Variants in TLE1 observed in about 807,000 individuals in gnomAD.
TLE1 encodes transducin-like enhancer protein 1.
A neutral mutation model predicts 89.8 loss-of-function variants in TLE1; 21 were observed. The ratio of observed to expected loss-of-function variants is 0.23; its 90% confidence interval spans 0.17 to 0.34. The LOEUF is 0.34. Ranked by LOEUF, TLE1 falls within the 10% of genes least tolerant of loss-of-function variation. The pLI is 1.00. For missense variants in TLE1, 795 were observed against 1,031.2 expected (o/e 0.77, Z 3.14); for synonymous variants, 447 against 407.6 (o/e 1.10, Z -1.16).
At position 81,672,322 on chromosome 9, in the gene TLE1, A is replaced by AATTATTATT. The variant is rs534539630; in HGVS notation, c.234+13345_234+13353dup. Among the ~76,000 whole-genome samples, 635 of 150,414 alleles carry AATTATTATT rather than the reference A, an allele frequency of 4.2e-3. 4 individuals carry two copies. The highest frequency in any genetic ancestry group is 0.014 in the African/African-American group (560 of 40,886). ...GGCTCTGCCTTTCTCCCCTGCAATA[A>AATTATTATT]ATTATTATTATTATTATTATTATTA... On this transcript the variant is annotated intron_variant, in intron 4 of 19. Transcript: ENST00000376499.
intron 8 of TLE1, among the ~76,000 whole-genome samples, chr9:81,624,302 GTCC>G (rs1269047974): frequency 6.6e-6 from 1 of 152,068 alleles, no homozygotes; most frequent in Non-Finnish European, 1.5e-5. Flanking sequence ...ACTAGGAATA[GTCC>G]CAAATTCCTG....
At chr9:81,649,948 A>G (rs556245920) in intron 6 of TLE1, among the ~76,000 whole-genome samples, 8 of 152,294 alleles carry the variant, frequency 5.3e-5, no homozygotes, top group East Asian at 3.9e-4. Flanking sequence ...ACAAACTTGA[A>G]AAGAGCCTTC....
At chr9:81,591,951 C>G (rs1023153519) in intron 15 of TLE1, among the ~76,000 whole-genome samples, 15 of 152,224 alleles carry the variant, frequency 9.9e-5, no homozygotes, top group Non-Finnish European at 7.3e-5. Context: ...GTGGCACCAT[C>G]TGCAACAGCA....
intron 4 of TLE1, among the ~76,000 whole-genome samples, chr9:81,684,858 G>C (rs1478937724): frequency 6.6e-6 from 1 of 152,178 alleles, no homozygotes; most frequent in African/African-American, 2.4e-5. Context: ...TTCTTTGGCA[G>C]ACAATGACTA....
intron 4 of TLE1, 66 bp from the exon 5 acceptor site, chr9:81,654,102 A>G (rs1564031202): frequency 5.4e-6 from 8 of 1,490,086 alleles, no homozygotes; most frequent in Non-Finnish European, 6.5e-6. Flanking sequence ...GTAAAACTTC[A>G]TACCCCTAAC....
At position 81,587,920 on chromosome 9, in the gene TLE1, G is replaced by GTGTGTCATCCCGCC. The variant is rs1554716641; in HGVS notation, c.1830-93_1830-92insGGCGGGATGACACA. 251 of 1,015,186 alleles carry GTGTGTCATCCCGCC rather than the reference G, an allele frequency of 2.5e-4. 2 individuals are homozygous for GTGTGTCATCCCGCC. The highest frequency in any genetic ancestry group is 3.5e-4 in the Admixed American group (12 of 34,568). The allele number at this position is 1,015,186 out of a possible 1,614,324, so 62.9% of individuals were successfully genotyped here. ...TTAGTTTTGGACCGTGTGTGTGTGTGTGTGTGTGTGTGTGTGTGTGTGTGT... is the reference window on the plus strand; with the variant it reads ...TTAGTTTTGGACCGTGTGTGTGTGTGTGTGTCATCCCGCCTGTGTGTGTGTGTGTGTGTGTGTGT... On this transcript the variant is annotated intron_variant, in intron 16 of 19. Transcript: ENST00000376499.
intron 18 of TLE1, among the ~76,000 whole-genome samples, chr9:81,585,022 TATCTGCCC>T (rs1340675555): frequency 6.6e-5 from 10 of 150,914 alleles, no homozygotes; most frequent in African/African-American, 2.2e-4. Flanking sequence ...TGTGAACAGA[TATCTGCCC>T]ATCTGCAGCA....
At chr9:81,608,419 C>T (rs1342668262) in intron 14 of TLE1, among the ~76,000 whole-genome samples, 1 of 152,070 alleles carries the variant, frequency 6.6e-6, no homozygotes, top group Non-Finnish European at 1.5e-5. Flanking sequence ...GAAGCCAAGG[C>T]AGGAGGATGG....
intron 6 of TLE1, among the ~76,000 whole-genome samples, chr9:81,646,479 A>G (rs970445012): frequency 6.6e-6 from 1 of 152,196 alleles, no homozygotes; most frequent in Non-Finnish European, 1.5e-5. Flanking sequence ...GATATGCATT[A>G]TTCTCCTAGG....
intron 14 of TLE1, chr9:81,600,154 A>T (rs1043295886): frequency 4.2e-6 from 3 of 715,884 alleles, no homozygotes; most frequent in Non-Finnish European, 7.8e-6. Context: ...AAATTCTTGG[A>T]TGGAAAGTAA....
At chr9:81,664,126 C>T (rs1209172283) in intron 4 of TLE1, among the ~76,000 whole-genome samples, 3 of 151,788 alleles carry the variant, frequency 2.0e-5, no homozygotes, top group Non-Finnish European at 4.4e-5. Context: ...ATTTTTATAC[C>T]TAAAGAAAGT....
intron 12 of TLE1, chr9:81,612,320 C>T (rs1311166870): frequency 1.2e-5 from 12 of 1,030,282 alleles, no homozygotes; most frequent in Non-Finnish European, 1.4e-5. Flanking sequence ...AAGATTTTCT[C>T]GATAAAATCC....
chr9:81,612,954 A>G (rs900611221), intron 12 of TLE1, among the ~76,000 whole-genome samples: 2 of 152,170 alleles, frequency 1.3e-5, no homozygotes, highest in Non-Finnish European at 2.9e-5. Context: ...GCTCTTTAGG[A>G]GGCTCAGGCA....
At chr9:81,655,164 G>C (rs1295413606) in intron 4 of TLE1, among the ~76,000 whole-genome samples, 4 of 152,006 alleles carry the variant, frequency 2.6e-5, no homozygotes, top group Admixed American at 2.0e-4. Context: ...AGGAGTTCAA[G>C]ACCAGCCTAG....
chr9:81,591,721 C>T (rs1829528521), intron 15 of TLE1, among the ~76,000 whole-genome samples: 1 of 152,084 alleles, frequency 6.6e-6, no homozygotes, highest in South Asian at 2.1e-4. Context: ...AAACTTTAAG[C>T]ACATGACTTC....
At chr9:81,606,774 A>ATT (rs149257316) in intron 14 of TLE1, among the ~76,000 whole-genome samples, 12 of 141,836 alleles carry the variant, frequency 8.5e-5, no homozygotes, top group African/African-American at 2.4e-4. Context: ...TTAAAGTATA[A>ATT]TTAAAAAAAA....
intron 4 of TLE1, among the ~76,000 whole-genome samples, chr9:81,659,441 T>C (rs1291091821): frequency 6.6e-6 from 1 of 152,176 alleles, no homozygotes; most frequent in African/African-American, 2.4e-5. Context: ...CCTAGATTTT[T>C]TAATACTGTG....
intron 6 of TLE1, among the ~76,000 whole-genome samples, chr9:81,636,148 A>G (rs1384960109): frequency 6.6e-6 from 1 of 152,186 alleles, no homozygotes; most frequent in Non-Finnish European, 1.5e-5. Flanking sequence ...TGGAAAGTAT[A>G]AACTACTCAT....
At chr9:81,654,066 G>A (rs964938822) in intron 4 of TLE1, 30 bp from the exon 5 acceptor site, 3 of 1,609,366 alleles carry the variant, frequency 1.9e-6, no homozygotes, top group African/African-American at 1.3e-5. Context: ...CAAATGTTTA[G>A]AATACTTCAC....
Sources: allele counts gnomAD v4.1 joint callset (sites outside exome capture counted in the v4.1 genomes callset), GRCh38; gene constraint gnomAD v4.1.1; transcripts MANE v1.5; gene names NCBI Gene and HGNC (gene_info 2026-07-23, HGNC 2026-07-21).